PTCH1: variants seen among roughly 807,000 people sequenced by gnomAD.
The protein encoded by PTCH1 is protein patched homolog 1.
In PTCH1, 14 loss-of-function variants were observed where a neutral mutation model predicts 144.6. That is an observed-to-expected ratio of 0.10 (90% CI 0.06 to 0.15). The LOEUF (loss-of-function observed/expected upper bound fraction) is 0.15. PTCH1 is among the 10% of genes least tolerant of loss of function. PTCH1 has a pLI of 1.00. For missense variants in PTCH1, 1,623 were observed against 1,948.3 expected, an observed-to-expected ratio of 0.83 and a Z score of 3.14; for synonymous variants, 833 against 793.6, an observed-to-expected ratio of 1.05 and a Z score of -0.83.
intron 2 of PTCH1, among the ~76,000 whole-genome samples, chr9:95,486,428 C>T (rs954751714): frequency 1.1e-4 from 16 of 152,240 alleles, no homozygotes; most frequent in African/African-American, 3.4e-4. Flanking sequence ...TGGGGAAATC[C>T]CAATTGAGAG....
At chr9:95,486,611 G>T (rs1329605880) in intron 2 of PTCH1, among the ~76,000 whole-genome samples, 1 of 152,266 alleles carries the variant, frequency 6.6e-6, no homozygotes, top group African/African-American at 2.4e-5. Flanking sequence ...CCCAGGCCGA[G>T]AAGTCCTGCC....
intron 1 of PTCH1, chr9:95,507,118 G>A (rs563241204): frequency 8.2e-6 from 8 of 980,666 alleles, no homozygotes; most frequent in South Asian, 9.5e-5. Context: ...TAGTAAGTGG[G>A]GATCCACGTG....
chr9:95,465,714 C>T (rs1242759182), intron 15 of PTCH1, among the ~76,000 whole-genome samples: 2 of 151,774 alleles, frequency 1.3e-5, no homozygotes, highest in Non-Finnish European at 2.9e-5. Flanking sequence ...GACTTCAGAC[C>T]AAAAAAGGCA....
intron 2 of PTCH1, among the ~76,000 whole-genome samples, chr9:95,497,831 A>C (rs942463652): frequency 6.6e-6 from 1 of 152,142 alleles, no homozygotes; most frequent in African/African-American, 2.4e-5. Flanking sequence ...TCAAATCTTG[A>C]CTGTGCAGCC....
chr9:95,507,106 G>A (rs1843733039), intron 1 of PTCH1: 4 of 984,830 alleles, frequency 4.1e-6, no homozygotes, highest in Admixed American at 6.2e-5. Flanking sequence ...CGCCGAGAAT[G>A]GTAGTAAGTG....
At chr9:95,462,111 A>G (rs1839538009) in intron 15 of PTCH1, 113 bp from the exon 16 acceptor site, 1 of 1,210,346 alleles carries the variant, frequency 8.3e-7, no homozygotes, top group South Asian at 1.2e-5. Context: ...GACGTCCATC[A>G]GAAACACACC....
chr9:95,504,388 C>T (rs1176861478), intron 2 of PTCH1, among the ~76,000 whole-genome samples: 1 of 152,170 alleles, frequency 6.6e-6, no homozygotes, highest in East Asian at 1.9e-4. Context: ...AAGTTATTTC[C>T]AGAAATATGC....
intron 8 of PTCH1, 68 bp downstream of exon 8, chr9:95,478,932 T>C: frequency 6.2e-7 from 1 of 1,608,434 alleles, no homozygotes; most frequent in Non-Finnish European, 8.5e-7. Context: ...AGAAATGTTT[T>C]AAATAATGGT....
Position 95,449,264 on chromosome 9 carries a change from G to A in PTCH1, c.3609C>T (p.Ser1203=), listed in dbSNP as rs200843188. The A allele has an allele frequency of 6.4e-6, 10 of 1,564,686 alleles. No homozygotes were observed. Among genetic ancestry groups the A allele is most frequent in the Middle Eastern group, 1.7e-4 (1 of 6,014 alleles). ...LPTPSPEPPP[S]VVRFAMPPGH... ...CGGGCGGCATGGCGAAGCGGACCAC[G>A]CTGGGGGGTGGCTCAGGGGAGGGTG... is the stretch of plus-strand genomic sequence containing the variant. Residue 1203 remains serine (S), a synonymous_variant, in exon 22 of 24, where the codon AGC becomes AGT. Coordinates refer to ENST00000331920, the MANE Select transcript of PTCH1 (RefSeq NM_000264.5). The surrounding 1 kb of genome is among the most constrained non-coding windows in gnomAD (Gnocchi z 5.3).
intron 1 of PTCH1, among the ~76,000 whole-genome samples, chr9:95,514,942 G>T (rs1844299579): frequency 6.6e-6 from 1 of 152,148 alleles, no homozygotes; most frequent in South Asian, 2.1e-4. Flanking sequence ...CATTTTAATT[G>T]AAACAGATCA....
rs552722717 is a variant in PTCH1 at position 95,463,148 on chromosome 9, C to A, written c.2561-1150G>T. Among the ~76,000 whole-genome samples the A allele has an allele frequency of 1.5e-4, 22 of 150,126 alleles. No individual in the cohort carries two copies. In the South Asian group the frequency reaches 3.2e-3, roughly 22 times the overall value. ...AGCGTTTATTTCATTTCGGGACATG[C>A]CTTGGATGATTTCAAAGGCTTCAAA... On this transcript the variant is annotated intron_variant, in intron 15 of 23. Transcript: ENST00000331920.
At chr9:95,512,101 G>A (rs547130678), upstream of PTCH1, among the ~76,000 whole-genome samples, 1 of 152,332 alleles carries the variant, frequency 6.6e-6, no homozygotes, top group East Asian at 1.9e-4. Flanking sequence ...CTCTCCGCAC[G>A]CGGCTGCATG....
chr9:95,506,676 G>A (rs1843677696), intron 1 of PTCH1, 77 bp from the exon 2 acceptor site: 7 of 1,350,634 alleles, frequency 5.2e-6, no homozygotes, highest in African/African-American at 1.5e-5. Context: ...GCGCGCACCC[G>A]CCCGGTGAGC....
In PTCH1 at chr9:95,449,158, G is replaced by T; in HGVS notation, c.3715C>A (p.Arg1239=). Residue 1239 remains arginine, a synonymous_variant, in exon 22 of 24, where the codon CGG becomes AGG. Transcript: ENST00000331920. The surrounding 1 kb of genome is among the most constrained non-coding windows in gnomAD (Gnocchi z 5.3). The part of the protein sequence containing the change: ...TTVSGLSEEL[R]HYEAQQGAGG... ...GCGCCCTGCTGGGCCTCGTAGTGCC[G>T]AAGCTCCTCGCTGAGGCCTGACACT... 6.2e-7 allele frequency: 1 copy of T among 1,613,532 alleles called. No individual in the cohort carries two copies. The highest frequency in any genetic ancestry group is 8.5e-7 in the Non-Finnish European group (1 of 1,179,752).
At chr9:95,481,116 C>G (rs570282914) in intron 5 of PTCH1, among the ~76,000 whole-genome samples, 1 of 152,216 alleles carries the variant, frequency 6.6e-6, no homozygotes, top group Non-Finnish European at 1.5e-5. Context: ...CACTTCCCCC[C>G]ACACTCACTT....
intron 12 of PTCH1, 35 bp from the exon 13 acceptor site, chr9:95,469,966 A>G: frequency 6.9e-7 from 1 of 1,453,200 alleles, no homozygotes; most frequent in Non-Finnish European, 9.7e-7. Flanking sequence ...GGTCACCAAC[A>G]TGCCTCCGCC....
exon 1 of PTCH1, chr9:95,516,893 T>C: frequency 7.8e-7 from 1 of 1,290,292 alleles, no homozygotes; most frequent in South Asian, 1.4e-5. Context: ...CCGAAAACTT[T>C]ACCCCTTTAC....
chr9:95,492,006 C>T (rs902862477), intron 2 of PTCH1, among the ~76,000 whole-genome samples: 35 of 152,176 alleles, frequency 2.3e-4, no homozygotes, highest in Admixed American at 1.9e-3. Context: ...CAAAGAGAGA[C>T]GTCTTAAGAC....
rs748726158 is a variant in PTCH1, at chr9:95,456,290, C to G, written c.3292G>C (p.Val1098Leu). Residue 1098 changes from valine to leucine, a missense_variant, in exon 19 of 24, where the codon GTT becomes CTT. By Grantham distance (32) the Val-to-Leu change is conservative. This residue lies in a region of PTCH1 where 504 missense variants were observed against 679.3 expected (regional missense o/e 0.74). Coordinates refer to ENST00000331920, the MANE Select transcript of PTCH1 (RefSeq NM_000264.5). ...ASVGIGVEFT[V>L]HVALAFLTAI... ...GTCTCCCATACCAAAGCAACGTGAA[C>G]GGTGAACTCCACTCCTATGCCAACA... is the stretch of plus-strand genomic sequence containing the variant. 6.2e-7 allele frequency: 1 copy of G among 1,613,880 alleles called. No individual in the cohort carries two copies. The highest frequency in any genetic ancestry group is 8.5e-7 in the Non-Finnish European group (1 of 1,180,036).
Sources: gnomAD v4.1 joint callset for allele counts (sites outside exome capture counted in the v4.1 genomes callset) on GRCh38, gnomAD v4.1.1 for gene constraint, gnomAD v4.1.1 regional missense constraint, Gnocchi (gnomAD v3.1) non-coding constraint, MANE v1.5 for transcripts, NCBI Gene and HGNC (gene_info 2026-07-23, HGNC 2026-07-21) for gene names.